Variants in SLC25A21 observed in about 807,000 individuals in gnomAD.
The protein encoded by SLC25A21 is mitochondrial 2-oxodicarboxylate carrier.
SLC25A21 carries 47 observed loss-of-function variants against 43.8 expected under a neutral mutation model. The ratio of observed to expected loss-of-function variants is 1.07; its 90% CI spans 0.85 to 1.37. The LOEUF is 1.37. Ranked by LOEUF, SLC25A21 falls within the 40% of genes most tolerant of loss-of-function variation. The pLI is 0.00. For synonymous variants in SLC25A21, 131 were observed against 121.3 expected (o/e 1.08, Z -0.52); for missense variants, 352 against 350.2 (o/e 1.00, Z -0.04).
At chr14:36,716,599 C>G (rs1412632247) in intron 6 of SLC25A21, among the ~76,000 whole-genome samples, 1 of 152,104 alleles carries the variant, frequency 6.6e-6, no homozygotes, top group Non-Finnish European at 1.5e-5. Flanking sequence ...GTAAATGAAG[C>G]TCCCAGGCAC....
At chr14:37,154,422 C>A (rs1963810875) in intron 1 of SLC25A21, among the ~76,000 whole-genome samples, 1 of 151,562 alleles carries the variant, frequency 6.6e-6, no homozygotes, top group South Asian at 2.1e-4. Context: ...GATTGTTACA[C>A]CAGATGTGCA....
chr14:37,162,499 T>G (rs1447993941), intron 1 of SLC25A21, among the ~76,000 whole-genome samples: 2 of 152,192 alleles, frequency 1.3e-5, no homozygotes, highest in African/African-American at 2.4e-5. Flanking sequence ...CAGACACTTC[T>G]CAAAAGAAGA....
At chr14:36,715,832 A>G (rs2011031) in intron 6 of SLC25A21, among the ~76,000 whole-genome samples, 39,254 of 151,928 alleles carry the variant, frequency 0.26, 5,194 homozygotes, top group Middle Eastern at 0.35. Flanking sequence ...AGCAGCTCAT[A>G]CCTGTAATTC....
intron 1 of SLC25A21, among the ~76,000 whole-genome samples, chr14:37,048,202 G>A (rs1056593139): frequency 2.0e-5 from 3 of 152,048 alleles, no homozygotes; most frequent in Non-Finnish European, 2.9e-5. Flanking sequence ...CAAGAAAAAC[G>A]TTGAGAAAAA....
At chr14:37,034,027 T>C (rs560449263) in intron 1 of SLC25A21, among the ~76,000 whole-genome samples, 1 of 151,868 alleles carries the variant, frequency 6.6e-6, no homozygotes, top group South Asian at 2.1e-4. Context: ...AATTTTGCTT[T>C]TTTTTTTGAG....
chr14:37,087,760 G>A (rs1962512831), intron 1 of SLC25A21, among the ~76,000 whole-genome samples: 1 of 152,150 alleles, frequency 6.6e-6, no homozygotes, highest in African/African-American at 2.4e-5. Flanking sequence ...TGTAATCTTA[G>A]TGCAAACACT....
intron 3 of SLC25A21, among the ~76,000 whole-genome samples, chr14:36,783,013 TAAAAAAA>T (rs1054509805): frequency 3.4e-5 from 5 of 145,788 alleles, no homozygotes; most frequent in African/African-American, 1.3e-4. Flanking sequence ...AAATAAAAAA[TAAAAAAA>T]AAAGATTGCA....
At chr14:36,713,489 T>C (rs1883982603) in intron 6 of SLC25A21, among the ~76,000 whole-genome samples, 1 of 152,120 alleles carries the variant, frequency 6.6e-6, no homozygotes, top group African/African-American at 2.4e-5. Context: ...TAAACTCAAG[T>C]GCTTTGTTGA....
At chr14:36,796,383 TTCTC>T (rs1249306620) in intron 3 of SLC25A21, among the ~76,000 whole-genome samples, 2 of 100,282 alleles carry the variant, frequency 2.0e-5, no homozygotes, top group African/African-American at 3.8e-5. Flanking sequence ...ATTTCTCTCT[TTCTC>T]TTTCTTTCTC....
chr14:36,735,854 T>C (rs1025361010), intron 3 of SLC25A21, among the ~76,000 whole-genome samples: 1 of 151,104 alleles, frequency 6.6e-6, no homozygotes, highest in Non-Finnish European at 1.5e-5. Flanking sequence ...ACACAAATAT[T>C]TGTTAAGCTT....
chr14:37,040,178 C>A (rs1315561614), intron 1 of SLC25A21, among the ~76,000 whole-genome samples: 2 of 138,342 alleles, frequency 1.4e-5, no homozygotes, highest in Admixed American at 1.6e-4. Flanking sequence ...CCAGCCTGGG[C>A]AACAGAGTGA....
At chr14:37,024,278 C>T (rs1439331247) in intron 1 of SLC25A21, among the ~76,000 whole-genome samples, 1 of 152,044 alleles carries the variant, frequency 6.6e-6, no homozygotes. Flanking sequence ...ACATATCCTA[C>T]ACCTCTTACA....
rs192992974 is a variant in SLC25A21 at position 36,966,652 on chromosome 14, C to G, written c.71-91648G>C. On this transcript the variant is annotated intron_variant, in intron 1 of 9. Transcript: ENST00000331299. ...GTCTGCTCCTCTGCGACATTCCCAT[C>G]GAATAACAACTGTTATCTGCCCTGT... Among the ~76,000 whole-genome samples, 3 of 152,354 alleles carry G rather than the reference C, an allele frequency of 2.0e-5. No individual in the cohort carries two copies. The East Asian group carries it at 5.8e-4, about 29-fold the overall frequency.
intron 1 of SLC25A21, among the ~76,000 whole-genome samples, chr14:36,902,301 C>G (rs1891416790): frequency 6.6e-6 from 1 of 152,144 alleles, no homozygotes; most frequent in South Asian, 2.1e-4. Context: ...TTGCCAGTCA[C>G]AGTCTTATAC....
chr14:37,128,538 C>CTCTCTG (rs1555348857), intron 1 of SLC25A21, among the ~76,000 whole-genome samples: 3,023 of 122,694 alleles, frequency 0.025, 43 homozygotes, highest in Non-Finnish European at 0.028. Flanking sequence ...CTCTCTCTCT[C>CTCTCTG]TGTGTGTGTG....
At chr14:37,130,312 T>C (rs184316374) in intron 1 of SLC25A21, among the ~76,000 whole-genome samples, 27 of 152,272 alleles carry the variant, frequency 1.8e-4, no homozygotes, top group African/African-American at 6.5e-4. Flanking sequence ...AAGACTTTCA[T>C]TTTAAACAAG....
At chr14:37,056,015 G>A (rs1362571967) in intron 1 of SLC25A21, among the ~76,000 whole-genome samples, 2 of 151,976 alleles carry the variant, frequency 1.3e-5, no homozygotes, top group Non-Finnish European at 2.9e-5. Context: ...TCATGATAGA[G>A]TTCTCACGAG....
chr14:37,112,443 C>T (rs1181969394), intron 1 of SLC25A21, among the ~76,000 whole-genome samples: 1 of 152,180 alleles, frequency 6.6e-6, no homozygotes, highest in Non-Finnish European at 1.5e-5. Context: ...AAGTAGAGTG[C>T]TTTGGCACAG....
intron 3 of SLC25A21, among the ~76,000 whole-genome samples, chr14:36,752,726 C>A (rs1465713991): frequency 6.6e-6 from 1 of 152,104 alleles, no homozygotes; most frequent in Non-Finnish European, 1.5e-5. Flanking sequence ...GTGGGAGGGG[C>A]CTGGTGGGAA....
Sources: gnomAD v4.1 joint callset for allele counts (sites outside exome capture counted in the v4.1 genomes callset) on GRCh38, gnomAD v4.1.1 for gene constraint, MANE v1.5 for transcripts, NCBI Gene and HGNC (gene_info 2026-07-23, HGNC 2026-07-21) for gene names.